The following SLC35G2 variants were observed in gnomAD, a reference collection of about 807,000 sequenced individuals.
SLC35G2 encodes solute carrier family 35 member G2, also known as transmembrane protein 22.
Under a neutral mutation model 27.2 loss-of-function variants are expected in SLC35G2, and 20 were observed. That is an observed-to-expected ratio of 0.74 (90% CI 0.52 to 1.07). The LOEUF is 1.07. SLC35G2 is among the 50% of genes least tolerant of loss of function. SLC35G2 has a pLI of 0.00. For synonymous variants in SLC35G2, 148 were observed against 165.3 expected, an observed-to-expected ratio of 0.90 and a Z score of 0.80; for missense variants, 416 against 493.3, an observed-to-expected ratio of 0.84 and a Z score of 1.48.
chr3:136,832,048 C>T (rs533293266), intron 1 of SLC35G2, among the ~76,000 whole-genome samples: 14 of 150,820 alleles, frequency 9.3e-5, no homozygotes, highest in African/African-American at 3.4e-4. Flanking sequence ...GAGTCTAGCT[C>T]TGTCGCCCAG....
chr3:136,840,684 C>T (rs1006023452), intron 1 of SLC35G2, among the ~76,000 whole-genome samples: 8 of 151,590 alleles, frequency 5.3e-5, no homozygotes, highest in South Asian at 2.1e-4. Context: ...AGTGCAGTGG[C>T]GTGATCTTGG....
chr3:136,825,505 G>C (rs1051025992), intron 1 of SLC35G2, among the ~76,000 whole-genome samples: 6 of 152,068 alleles, frequency 3.9e-5, no homozygotes, highest in African/African-American at 9.7e-5. Flanking sequence ...GCCTCCCAAA[G>C]TGCTGGGATT....
Position 136,855,852 on chromosome 3 carries a change from T to A in SLC35G2, c.*153T>A, listed in dbSNP as rs901540229. 1 of 575,242 alleles carries A rather than the reference T, an allele frequency of 1.7e-6. No homozygotes were observed. 35.6% of individuals were successfully genotyped at this position (575,242 alleles called of 1,614,324 possible). A position where few individuals can be genotyped will look rare whatever the true frequency, so the allele number is the denominator to read the frequency against. On this transcript the variant is annotated 3_prime_UTR_variant, in exon 2 of 2. Coordinates refer to ENST00000446465, the MANE Select transcript of SLC35G2 (RefSeq NM_025246.3). ...GCAGAAAATTTATTCTAGTCTAATA[T>A]ATTCAAATACAAATATTAAATATAT...
intron 1 of SLC35G2, chr3:136,842,202 CTT>C (rs1937130172): frequency 6.6e-6 from 1 of 152,138 alleles, no homozygotes; most frequent in Non-Finnish European, 1.5e-5. Flanking sequence ...TTTTTTATCT[CTT>C]ATATTTCAGA....
intron 1 of SLC35G2, chr3:136,842,718 T>C (rs1350830931): frequency 6.6e-6 from 1 of 152,264 alleles, no homozygotes; most frequent in African/African-American, 2.4e-5. Flanking sequence ...CAAGTCATTA[T>C]TTTTGTTTAA....
intron 1 of SLC35G2, among the ~76,000 whole-genome samples, chr3:136,822,898 C>T (rs570658650): frequency 6.6e-6 from 1 of 152,306 alleles, no homozygotes; most frequent in African/African-American, 2.4e-5. Flanking sequence ...CTTCCATATA[C>T]TGATTTCCTT....
chr3:136,828,790 G>T (rs1036272913), intron 1 of SLC35G2, among the ~76,000 whole-genome samples: 1 of 152,052 alleles, frequency 6.6e-6, no homozygotes, highest in Non-Finnish European at 1.5e-5. Flanking sequence ...TTTTCTGGTT[G>T]TTTTGTGGTC....
chr3:136,841,770 A>C (rs374086942), intron 1 of SLC35G2: 3 of 117,964 alleles, frequency 2.5e-5, no homozygotes, highest in Non-Finnish European at 3.7e-5. Context: ...TAAATAAATA[A>C]ATAAATATCA....
chr3:136,850,082 G>A (rs1266509040), intron 1 of SLC35G2, among the ~76,000 whole-genome samples: 2 of 152,178 alleles, frequency 1.3e-5, no homozygotes, highest in African/African-American at 2.4e-5. Flanking sequence ...ACTCCAGCCT[G>A]GGGGACAGAG....
intron 1 of SLC35G2, among the ~76,000 whole-genome samples, chr3:136,825,872 T>A (rs1295530499): frequency 2.6e-5 from 4 of 152,160 alleles, no homozygotes; most frequent in African/African-American, 9.7e-5. Flanking sequence ...CTTTCTTTGA[T>A]GCGTCTTTGT....
intron 1 of SLC35G2, among the ~76,000 whole-genome samples, chr3:136,835,179 G>A (rs1407492653): frequency 6.6e-6 from 1 of 152,058 alleles, no homozygotes; most frequent in Non-Finnish European, 1.5e-5. Context: ...CTTACTTTTG[G>A]TCTAGAATCA....
intron 1 of SLC35G2, among the ~76,000 whole-genome samples, chr3:136,844,797 C>CAAAAAA (rs58243269): frequency 8.4e-5 from 3 of 35,760 alleles, no homozygotes; most frequent in Non-Finnish European, 1.7e-4. Flanking sequence ...CTCTCTGTCT[C>CAAAAAA]AAAAAAAAAA....
At chr3:136,847,028 G>A (rs1467355445) in intron 1 of SLC35G2, among the ~76,000 whole-genome samples, 5 of 152,030 alleles carry the variant, frequency 3.3e-5, no homozygotes, top group Non-Finnish European at 7.4e-5. Context: ...TTAGCTGGGC[G>A]TGGTGGTGCA....
chr3:136,847,682 G>C lies in SLC35G2; in HGVS notation c.-18-6761G>C, dbSNP rs185503746. ...TCAGGAAGGGGAGATTTAAGGGCCA[G>C]CTGGGGCCGGGAGCAGTGGTTCATG... On this transcript the variant is annotated intron_variant, in intron 1 of 1. Coordinates refer to ENST00000446465, the MANE Select transcript of SLC35G2 (RefSeq NM_025246.3). Among the ~76,000 whole-genome samples, 236 of 152,254 alleles carry C rather than the reference G, an allele frequency of 1.6e-3. 1 individual carries two copies. Among genetic ancestry groups the C allele is most frequent in the African/African-American group, 5.3e-3 (221 of 41,556 alleles).
At chr3:136,830,099 T>G (rs1361663361) in intron 1 of SLC35G2, among the ~76,000 whole-genome samples, 1 of 138,404 alleles carries the variant, frequency 7.2e-6, no homozygotes, top group Non-Finnish European at 1.5e-5. Flanking sequence ...AGACATACAT[T>G]ATTTCTTTTT....
At chr3:136,844,019 G>A (rs1049230944) in intron 1 of SLC35G2, among the ~76,000 whole-genome samples, 1 of 152,172 alleles carries the variant, frequency 6.6e-6, no homozygotes, top group Admixed American at 6.5e-5. Context: ...ATGAAGGTTT[G>A]AGTAGAAGTG....
chr3:136,843,697 C>T (rs1937217887), intron 1 of SLC35G2, among the ~76,000 whole-genome samples: 1 of 151,948 alleles, frequency 6.6e-6, no homozygotes, highest in Admixed American at 6.6e-5. Flanking sequence ...CTTTGGGAGG[C>T]CAAGGCGGGA....
At position 136,837,458 on chromosome 3, in the gene SLC35G2, GAA is replaced by G. The variant is rs575716005; in HGVS notation, c.-18-16982_-18-16981del. The G allele has an allele frequency of 9.2e-5, 14 of 152,130 alleles. No homozygotes were observed. The East Asian group carries it at 2.5e-3, about 27-fold the overall frequency. 9.4% of individuals were successfully genotyped at this position (152,130 alleles called of 1,614,324 possible). ...TATATACATATATGAAAAACAAACA[GAA>G]AAGAGAGAAAATACCATATAATTGA... On this transcript the variant is annotated intron_variant, in intron 1 of 1. Transcript: ENST00000446465.
At chr3:136,849,736 G>C (rs1358926105) in intron 1 of SLC35G2, among the ~76,000 whole-genome samples, 1 of 150,768 alleles carries the variant, frequency 6.6e-6, no homozygotes, top group Non-Finnish European at 1.5e-5. Flanking sequence ...CAAGTGATCC[G>C]CCTGCCTCAG....
Sources: gnomAD v4.1 joint callset for allele counts (sites outside exome capture counted in the v4.1 genomes callset) on GRCh38, gnomAD v4.1.1 for gene constraint, MANE v1.5 for transcripts, NCBI Gene and HGNC (gene_info 2026-07-23, HGNC 2026-07-21) for gene names.